SYT1: variants seen among roughly 807,000 people sequenced by gnomAD.
SYT1 encodes the protein synaptotagmin 1.
Under a neutral mutation model 44.8 loss-of-function variants are expected in SYT1, and 8 were observed. The ratio of observed to expected loss-of-function variants is 0.18; its 90% confidence interval spans 0.10 to 0.32. SYT1 has a LOEUF of 0.32. SYT1 is among the 10% of genes least tolerant of loss of function. The pLI is 1.00. For synonymous variants in SYT1, 154 were observed against 188.8 expected, an observed-to-expected ratio of 0.82 and a Z score of 1.51; for missense variants, 286 against 509.3, an observed-to-expected ratio of 0.56 and a Z score of 4.22.
At chr12:79,224,955 AT>A (rs1365076816) in intron 4 of SYT1, among the ~76,000 whole-genome samples, 1 of 151,504 alleles carries the variant, frequency 6.6e-6, no homozygotes, top group Non-Finnish European at 1.5e-5. Context: ...AATTTTTTGT[AT>A]TTTTAGTAGA....
At chr12:79,437,921 C>T (rs778155625) in intron 9 of SYT1, among the ~76,000 whole-genome samples, 6 of 151,948 alleles carry the variant, frequency 3.9e-5, no homozygotes, top group Admixed American at 6.6e-5. Flanking sequence ...CATCTTGGGG[C>T]AGAGGAAGGG....
rs115683096 is a variant in SYT1 at position 78,942,382 on chromosome 12, C to T, written c.-216-35417C>T. Among the ~76,000 whole-genome samples, 204 of 152,264 alleles carry T rather than the reference C, an allele frequency of 1.3e-3. 1 individual carries two copies. Among genetic ancestry groups the T allele is most frequent in the African/African-American group, 4.6e-3 (192 of 41,562 alleles). Reference sequence around the variant, plus strand: ...TTGCACATAATTATAACTAATCCAACGATTCTCCAAATATGCCTAACTTTT... The same window carrying T: ...TTGCACATAATTATAACTAATCCAATGATTCTCCAAATATGCCTAACTTTT... On this transcript the variant is annotated intron_variant, in intron 1 of 10. Coordinates refer to ENST00000261205, the MANE Select transcript of SYT1 (RefSeq NM_005639.3).
At chr12:79,023,901 T>G (rs1268338714) in intron 2 of SYT1, among the ~76,000 whole-genome samples, 2 of 151,772 alleles carry the variant, frequency 1.3e-5, no homozygotes, top group African/African-American at 4.8e-5. Context: ...CACTTAAGTA[T>G]GTACTTCCTA....
At chr12:79,349,033 A>AAG (rs1367804411) in intron 8 of SYT1, among the ~76,000 whole-genome samples, 11,589 of 119,062 alleles carry the variant, frequency 0.097, 640 homozygotes, top group African/African-American at 0.19. Context: ...GAAAGAAAGA[A>AAG]AAAGAAAGAA....
intron 2 of SYT1, among the ~76,000 whole-genome samples, chr12:78,988,283 A>G (rs1352994034): frequency 1.3e-5 from 2 of 151,638 alleles, no homozygotes; most frequent in African/African-American, 2.4e-5. Context: ...TAAACAATAA[A>G]CAACATAAAT....
At chr12:79,407,847 T>C (rs1195607714) in intron 9 of SYT1, among the ~76,000 whole-genome samples, 2 of 152,162 alleles carry the variant, frequency 1.3e-5, no homozygotes, top group Non-Finnish European at 2.9e-5. Flanking sequence ...GAGAAGGACA[T>C]TGCTGTCTTC....
At chr12:79,166,745 C>T (rs769356509) in intron 3 of SYT1, among the ~76,000 whole-genome samples, 8 of 152,026 alleles carry the variant, frequency 5.3e-5, no homozygotes, top group Non-Finnish European at 1.0e-4. Flanking sequence ...GTATGAAAGA[C>T]TCCAGATGCT....
chr12:79,030,520 T>C (rs572129821), intron 2 of SYT1, among the ~76,000 whole-genome samples: 1 of 151,174 alleles, frequency 6.6e-6, no homozygotes, highest in South Asian at 2.1e-4. Flanking sequence ...GAGCTCTAAT[T>C]TGTATGCATA....
intron 3 of SYT1, among the ~76,000 whole-genome samples, chr12:79,067,528 G>A (rs1198916565): frequency 6.6e-6 from 1 of 152,050 alleles, no homozygotes; most frequent in African/African-American, 2.4e-5. Flanking sequence ...GTTCCTTAGA[G>A]AAAAATTTCT....
chr12:78,912,732 T>C (rs1876411245), intron 1 of SYT1, among the ~76,000 whole-genome samples: 1 of 151,938 alleles, frequency 6.6e-6, no homozygotes, highest in Non-Finnish European at 1.5e-5. Context: ...ATTGGCTTAT[T>C]GGGCATCATG....
Position 79,138,222 on chromosome 12 carries a change from GA to G in SYT1, c.-17-79275del, listed in dbSNP as rs372739702. 1.9e-3 allele frequency among the ~76,000 whole-genome samples: 292 copies of G among 152,068 alleles called. 3 individuals carry two copies. In the East Asian group the frequency reaches 0.024, roughly 13 times the overall value. On this transcript the variant is annotated intron_variant, in intron 3 of 10. Coordinates refer to ENST00000261205, the MANE Select transcript of SYT1 (RefSeq NM_005639.3). ...TCATGAAATATTACTAAAATACACA[GA>G]AAAAACTACTTAAAAAGCAGTAATT...
At chr12:79,232,847 G>A (rs926425658) in intron 4 of SYT1, among the ~76,000 whole-genome samples, 59 of 152,188 alleles carry the variant, frequency 3.9e-4, no homozygotes, top group Non-Finnish European at 1.2e-4. Flanking sequence ...AGCTCTTACG[G>A]GAAAAGGGTG....
chr12:79,281,790 G>T (rs925593274), intron 4 of SYT1, among the ~76,000 whole-genome samples: 3 of 152,100 alleles, frequency 2.0e-5, no homozygotes, highest in Non-Finnish European at 4.4e-5. Flanking sequence ...TATCACTTGA[G>T]TTCCTATTGT....
At chr12:79,163,433 A>G (rs1315811777) in intron 3 of SYT1, among the ~76,000 whole-genome samples, 1 of 152,138 alleles carries the variant, frequency 6.6e-6, no homozygotes, top group African/African-American at 2.4e-5. Flanking sequence ...TAATGAAAGT[A>G]GCTCATGCAT....
intron 10 of SYT1, among the ~76,000 whole-genome samples, chr12:79,446,538 G>A (rs899329065): frequency 1.3e-5 from 2 of 152,088 alleles, no homozygotes; most frequent in Admixed American, 1.3e-4. Flanking sequence ...GCTAGATGTG[G>A]CTGGTAGCTA....
chr12:78,982,328 C>T (rs1249804563), intron 2 of SYT1, among the ~76,000 whole-genome samples: 1 of 152,106 alleles, frequency 6.6e-6, no homozygotes, highest in African/African-American at 2.4e-5. Context: ...ATCTCCATTA[C>T]TAGTTAGTTT....
intron 3 of SYT1, among the ~76,000 whole-genome samples, chr12:79,180,294 T>C (rs1872446004): frequency 6.6e-6 from 1 of 152,052 alleles, no homozygotes; most frequent in Non-Finnish European, 1.5e-5. Flanking sequence ...TTACACACTA[T>C]CCTCACTTCC....
chr12:78,944,187 A>C (rs2137264408), intron 1 of SYT1, among the ~76,000 whole-genome samples: 1 of 151,754 alleles, frequency 6.6e-6, no homozygotes, highest in East Asian at 1.9e-4. Flanking sequence ...ACATATACTT[A>C]GAGGAAGGTT....
intron 1 of SYT1, among the ~76,000 whole-genome samples, chr12:78,874,072 C>A (rs943445983): frequency 4.0e-5 from 6 of 151,614 alleles, no homozygotes; most frequent in Admixed American, 3.9e-4. Context: ...TTGTTTCTTA[C>A]AATATGTCAG....
Sources: allele counts gnomAD v4.1 joint callset (sites outside exome capture counted in the v4.1 genomes callset), GRCh38; gene constraint gnomAD v4.1.1; transcripts MANE v1.5; gene names NCBI Gene and HGNC (gene_info 2026-07-23, HGNC 2026-07-21).